TUSC3: variants seen among roughly 807,000 people sequenced by gnomAD.
TUSC3 encodes tumor suppressor candidate 3.
A neutral mutation model predicts 44.8 loss-of-function variants in TUSC3; 45 were observed. The observed-to-expected ratio is 1.00, with a 90% CI of 0.79 to 1.29. The LOEUF is 1.29. Among genes scored for constraint, TUSC3 ranks in the 50% most tolerant of loss-of-function variants. The pLI is 0.00. For synonymous variants in TUSC3, 212 were observed against 152.9 expected (o/e 1.39, Z -2.85); for missense variants, 519 against 437.9 (o/e 1.19, Z -1.65).
At chr8:15,578,944 C>A (rs373462490) in intron 1 of TUSC3, among the ~76,000 whole-genome samples, 2 of 152,024 alleles carry the variant, frequency 1.3e-5, no homozygotes, top group African/African-American at 2.4e-5. Context: ...TCCATCTGGT[C>A]CTGGACTCTT....
chr8:15,846,014 C>T, the TUSC3 span, among the ~76,000 whole-genome samples: 2 of 152,036 alleles, frequency 1.3e-5, no homozygotes, highest in South Asian at 2.1e-4. Flanking sequence ...GAAGCAAAAG[C>T]GGAAATCTCA....
the TUSC3 span, among the ~76,000 whole-genome samples, chr8:15,837,175 A>G: frequency 1.5e-4 from 23 of 151,864 alleles, no homozygotes; most frequent in East Asian, 9.7e-4. Context: ...TTTAAATCAA[A>G]CGATAATTTG....
the TUSC3 span, among the ~76,000 whole-genome samples, chr8:15,779,207 A>G: frequency 6.6e-6 from 1 of 150,478 alleles, no homozygotes; most frequent in African/African-American, 2.5e-5. Flanking sequence ...GGGAAACCCC[A>G]TGTATCTCCA....
intron 1 of TUSC3, among the ~76,000 whole-genome samples, chr8:15,593,988 C>T (rs1418916534): frequency 1.3e-5 from 2 of 152,202 alleles, no homozygotes; most frequent in Non-Finnish European, 1.5e-5. Flanking sequence ...GCATAACTAA[C>T]TTTGGCATGT....
chr8:15,578,016 A>G (rs1313623822), intron 1 of TUSC3, among the ~76,000 whole-genome samples: 2,828 of 120,008 alleles, frequency 0.024, no homozygotes, highest in South Asian at 0.043. Context: ...GTTCTCCTTG[A>G]AGAGGTCCTT....
At position 15,755,292 on chromosome 8, in the gene TUSC3, A is replaced by G. The variant is rs545498140; in HGVS notation, c.1029-2499A>G. On this transcript the variant is annotated intron_variant, in intron 9 of 10. Transcript: ENST00000503731. ...ACTATTAGAAAGATTACATGAGAGA[A>G]TGCTTGGAAATCACTTAGCACATTG... 6.6e-5 allele frequency among the ~76,000 whole-genome samples: 10 copies of G among 152,298 alleles called. No individual in the cohort carries two copies. The South Asian group carries it at 2.1e-3, about 32-fold the overall frequency.
chr8:15,472,139 G>A (rs1271279195), intron 1 of TUSC3, among the ~76,000 whole-genome samples: 3 of 152,182 alleles, frequency 2.0e-5, no homozygotes, highest in African/African-American at 7.2e-5. Flanking sequence ...TATCTGACAG[G>A]AATTTTCCAA....
At chr8:15,809,629 AATAATT>A in the TUSC3 span, among the ~76,000 whole-genome samples, 11 of 152,224 alleles carry the variant, frequency 7.2e-5, no homozygotes, top group African/African-American at 2.2e-4. Context: ...AATAAAACAG[AATAATT>A]ATAACAATAT....
At chr8:15,676,894 G>A (rs1563167476) in intron 6 of TUSC3, among the ~76,000 whole-genome samples, 1 of 152,100 alleles carries the variant, frequency 6.6e-6, no homozygotes, top group Non-Finnish European at 1.5e-5. Flanking sequence ...GCAAAAAGGA[G>A]AAAATTTGAA....
At chr8:15,498,603 A>G (rs1384244304) in intron 2 of TUSC3, among the ~76,000 whole-genome samples, 1 of 152,202 alleles carries the variant, frequency 6.6e-6, no homozygotes, top group Non-Finnish European at 1.5e-5. Context: ...GCAGATGTGA[A>G]TTAGGTGGAG....
intron 2 of TUSC3, among the ~76,000 whole-genome samples, chr8:15,505,975 C>G (rs559844050): frequency 6.6e-6 from 1 of 152,238 alleles, no homozygotes; most frequent in Admixed American, 6.5e-5. Flanking sequence ...TTTTAAAAAT[C>G]TATTTTACTG....
chr8:15,673,063 A>G (rs977150754), intron 5 of TUSC3, among the ~76,000 whole-genome samples: 7 of 152,072 alleles, frequency 4.6e-5, no homozygotes, highest in Non-Finnish European at 1.0e-4. Flanking sequence ...CACCTCAGTT[A>G]TACTGATTGA....
At chr8:15,518,880 A>G (rs1428400647) in intron 2 of TUSC3, among the ~76,000 whole-genome samples, 3 of 152,204 alleles carry the variant, frequency 2.0e-5, no homozygotes, top group Non-Finnish European at 4.4e-5. Flanking sequence ...TAAAAATGGA[A>G]TCAATCTAAA....
intron 1 of TUSC3, among the ~76,000 whole-genome samples, chr8:15,572,344 C>T (rs955851390): frequency 2.0e-5 from 3 of 152,098 alleles, no homozygotes; most frequent in Non-Finnish European, 4.4e-5. Context: ...TTAAATTTTT[C>T]TTCTGTAGCT....
chr8:15,741,310 A>T (rs1444356684), intron 7 of TUSC3, among the ~76,000 whole-genome samples: 4 of 152,200 alleles, frequency 2.6e-5, no homozygotes, highest in Admixed American at 1.3e-4. Context: ...TCATTAATCG[A>T]ATTGAGGAAG....
chr8:15,673,921 G>T, intron 6 of TUSC3, 85 bp downstream of exon 6: 1 of 1,188,126 alleles, frequency 8.4e-7, no homozygotes, highest in Non-Finnish European at 1.2e-6. Flanking sequence ...TATTTAGTAG[G>T]AAAAGATTCT....
intron 10 of TUSC3, among the ~76,000 whole-genome samples, chr8:15,763,110 T>C (rs1247290507): frequency 6.6e-6 from 1 of 151,836 alleles, no homozygotes; most frequent in African/African-American, 2.4e-5. Context: ...TGTTATATAA[T>C]ATACACTGTA....
chr8:15,658,278 G>A (rs548293796), intron 3 of TUSC3, among the ~76,000 whole-genome samples: 9 of 152,128 alleles, frequency 5.9e-5, no homozygotes, highest in South Asian at 4.2e-4. Context: ...TTTCTTTTGG[G>A]TATTCAGCTT....
chr8:15,652,731 A>G (rs1379966993), intron 3 of TUSC3, among the ~76,000 whole-genome samples: 2 of 152,186 alleles, frequency 1.3e-5, no homozygotes, highest in African/African-American at 2.4e-5. Flanking sequence ...ATCATCAGAT[A>G]GAAGTGCTAT....
Sources: allele counts gnomAD v4.1 joint callset (sites outside exome capture counted in the v4.1 genomes callset), GRCh38; gene constraint gnomAD v4.1.1; transcripts MANE v1.5; gene names NCBI Gene and HGNC (gene_info 2026-07-23, HGNC 2026-07-21).